MYO9A: variants seen among roughly 807,000 people sequenced by gnomAD.
MYO9A encodes unconventional myosin-IXa.
In MYO9A, 103 loss-of-function variants were observed where a neutral mutation model predicts 293.3. The ratio of observed to expected loss-of-function variants is 0.35; its 90% CI spans 0.30 to 0.41. The LOEUF (loss-of-function observed/expected upper bound fraction) is 0.41. Ranked by LOEUF, MYO9A falls within the 10% of genes least tolerant of loss-of-function variation. MYO9A has a pLI of 1.00. For missense variants in MYO9A, 2,685 were observed against 3,033.0 expected, an observed-to-expected ratio of 0.89 and a Z score of 2.69; for synonymous variants, 1,001 against 1,035.7, an observed-to-expected ratio of 0.97 and a Z score of 0.64.
chr15:71,918,735 C>T (rs1299625336), intron 18 of MYO9A, among the ~76,000 whole-genome samples: 1 of 152,030 alleles, frequency 6.6e-6, no homozygotes. Flanking sequence ...TTTTAAGATA[C>T]TATGGAGAAA....
chr15:71,892,547 T>G (rs1465179276), intron 26 of MYO9A: 1 of 154,382 alleles, frequency 6.5e-6, no homozygotes, highest in Non-Finnish European at 1.4e-5. Context: ...AAGACGGTCA[T>G]GCCCATTTGT....
At position 71,898,755 on chromosome 15, in the gene MYO9A, C is replaced by T; in HGVS notation, c.3748G>A (p.Val1250Met). 1.2e-6 allele frequency: 2 copies of T among 1,614,104 alleles called. No homozygotes were observed. Among genetic ancestry groups the T allele is most frequent in the African/African-American group, 1.3e-5 (1 of 75,038 alleles). ...SQSGVDLQED[V>M]LVRERPRSLE... ...GATCTGGGTCTCTCTCTTACAAGCA[C>T]ATCTTCCTGCAAGTCCACACCACTC... The change falls in exon 25 of 42, where the codon GTG (valine) becomes ATG (methionine). Residue 1250 changes from valine to methionine, a missense_variant. Physicochemically the swap from Val to Met is conservative, Grantham distance 21. Coordinates refer to ENST00000356056, the MANE Select transcript of MYO9A (RefSeq NM_006901.4).
chr15:72,045,785 C>T lies in MYO9A; in HGVS notation c.779G>A (p.Ser260Asn). Residue 260 changes from serine to asparagine, a missense_variant, in exon 2 of 42, where the codon AGT (serine) becomes AAT (asparagine). Physicochemically the swap from Ser to Asn is conservative, Grantham distance 46. This residue lies in a region of MYO9A where 289 missense variants were observed against 456.8 expected (regional missense o/e 0.63). Coordinates refer to ENST00000356056, the MANE Select transcript of MYO9A (RefSeq NM_006901.4). ...TACTCCACTGGCAAATCCTTTCTGACTGAGAGCAGTAAGGTGGTGAATAAG... is the reference window on the plus strand; with the variant it reads ...TACTCCACTGGCAAATCCTTTCTGATTGAGAGCAGTAAGGTGGTGAATAAG... ...NFLIHHLTAL[S>N]QKGFASGVEQ... 1 of 1,614,084 alleles carries T rather than the reference C, an allele frequency of 6.2e-7. No homozygotes were observed. Among genetic ancestry groups the T allele is most frequent in the Non-Finnish European group, 8.5e-7 (1 of 1,179,994 alleles).
chr15:71,963,032 C>T (rs890359178), intron 13 of MYO9A, among the ~76,000 whole-genome samples: 8 of 152,130 alleles, frequency 5.3e-5, no homozygotes, highest in Non-Finnish European at 8.8e-5. Context: ...ATTGCTAGTT[C>T]ATATTGGAAA....
intron 10 of MYO9A, among the ~76,000 whole-genome samples, chr15:71,993,383 AT>A (rs2076597254): frequency 6.6e-6 from 1 of 152,108 alleles, no homozygotes; most frequent in African/African-American, 2.4e-5. Flanking sequence ...TAAAATAAAA[AT>A]AAAAAGGAGT....
chr15:71,894,913 T>A (rs747111915), intron 25 of MYO9A, among the ~76,000 whole-genome samples: 1 of 152,196 alleles, frequency 6.6e-6, no homozygotes, highest in Non-Finnish European at 1.5e-5. Flanking sequence ...GAGAATCATA[T>A]CTTACTTCCA....
intron 34 of MYO9A, among the ~76,000 whole-genome samples, chr15:71,855,237 G>A (rs2055817670): frequency 6.6e-6 from 1 of 152,206 alleles, no homozygotes; most frequent in Non-Finnish European, 1.5e-5. Flanking sequence ...CCAGGTTCAA[G>A]CGATTCTCGT....
chr15:71,998,793 T>C (rs1384758930), intron 9 of MYO9A, among the ~76,000 whole-genome samples: 1 of 152,112 alleles, frequency 6.6e-6, no homozygotes, highest in African/African-American at 2.4e-5. Context: ...GTGTTCTCAT[T>C]GTTCAATTCC....
chr15:72,103,928 A>G (rs960055403), intron 1 of MYO9A, among the ~76,000 whole-genome samples: 2 of 152,216 alleles, frequency 1.3e-5, no homozygotes, highest in Non-Finnish European at 2.9e-5. Flanking sequence ...TGACCTGGGC[A>G]ATGACAACAC....
chr15:71,844,527 G>C (rs1305608405), intron 39 of MYO9A, among the ~76,000 whole-genome samples: 2 of 152,076 alleles, frequency 1.3e-5, no homozygotes, highest in Non-Finnish European at 2.9e-5. Context: ...CTATTTGAGG[G>C]AAACAGGATA....
chr15:72,066,835 T>C lies in MYO9A; in HGVS notation c.-71-20201A>G, dbSNP rs541818001. Among the ~76,000 whole-genome samples the C allele has an allele frequency of 3.3e-5, 5 of 151,986 alleles. No homozygotes were observed. In the East Asian group the frequency reaches 9.7e-4, roughly 29 times the overall value. ...TTGCAGTGAGCTGAGGTTGCACCAT[T>C]GCTCTCCAGCCTGGGCAACAAACAG... On this transcript the variant is annotated intron_variant, in intron 1 of 41. Coordinates refer to ENST00000356056, the MANE Select transcript of MYO9A (RefSeq NM_006901.4).
chr15:71,938,217 C>T (rs1355497537), intron 16 of MYO9A, among the ~76,000 whole-genome samples: 1 of 152,054 alleles, frequency 6.6e-6, no homozygotes, highest in Non-Finnish European at 1.5e-5. Flanking sequence ...ATTTTAATGA[C>T]AGACCATCCT....
At chr15:71,949,742 T>C (rs1215482310) in intron 15 of MYO9A, among the ~76,000 whole-genome samples, 2 of 151,928 alleles carry the variant, frequency 1.3e-5, no homozygotes, top group African/African-American at 2.4e-5. Flanking sequence ...GAGTTCATAC[T>C]TTAATTTGGG....
Position 71,994,526 on chromosome 15 carries a change from T to C in MYO9A, c.1530A>G (p.Ile510Met). 1 of 1,612,082 alleles carries C rather than the reference T, an allele frequency of 6.2e-7. No homozygotes were observed. The highest frequency in any genetic ancestry group is 8.5e-7 in the Non-Finnish European group (1 of 1,179,586). The change falls in exon 10 of 42, where the codon ATA becomes ATG. Residue 510 changes from isoleucine (I) to methionine (M), a missense_variant. Around this residue, in one of 10 missense-constraint regions of MYO9A, gnomAD observed 289 missense variants for 456.8 expected, o/e 0.63. Coordinates refer to ENST00000356056, the MANE Select transcript of MYO9A (RefSeq NM_006901.4). Reference sequence around the variant, plus strand: ...GAAGTGCATGATTAATTCGAAAAACTATCCAGTCAAACAGGGCACTATACA... The same window carrying C: ...GAAGTGCATGATTAATTCGAAAAACCATCCAGTCAAACAGGGCACTATACA... ...KSLYSALFDW[I>M]VFRINHALLN...
chr15:71,863,017 C>T (rs1054803558), intron 32 of MYO9A, among the ~76,000 whole-genome samples: 1 of 151,168 alleles, frequency 6.6e-6, no homozygotes, highest in African/African-American at 2.4e-5. Context: ...CCTCCGCCTC[C>T]TGGGTTCAGG....
chr15:71,930,321 T>C (rs1029546340), intron 18 of MYO9A, among the ~76,000 whole-genome samples: 15 of 152,204 alleles, frequency 9.9e-5, no homozygotes, highest in Non-Finnish European at 2.1e-4. Flanking sequence ...AGGATTACTG[T>C]ATTGTAGTTT....
intron 39 of MYO9A, among the ~76,000 whole-genome samples, chr15:71,844,630 T>G (rs1436639447): frequency 6.6e-6 from 1 of 152,160 alleles, no homozygotes; most frequent in African/African-American, 2.4e-5. Flanking sequence ...GATACTCCAG[T>G]GTTAGAATGA....
chr15:71,910,156 A>ATATACGTG (rs1348670472), intron 19 of MYO9A, among the ~76,000 whole-genome samples: 77 of 64,174 alleles, frequency 1.2e-3, no homozygotes, highest in Non-Finnish European at 2.3e-3. Flanking sequence ...GTGTGTGTAT[A>ATATACGTG]TATATATACG....
At chr15:71,942,036 T>C (rs2058789902) in intron 15 of MYO9A, among the ~76,000 whole-genome samples, 2 of 152,030 alleles carry the variant, frequency 1.3e-5, no homozygotes, top group South Asian at 2.1e-4. Context: ...AATTCTTAAC[T>C]ACACCAACAA....
Sources: allele counts gnomAD v4.1 joint callset (sites outside exome capture counted in the v4.1 genomes callset), GRCh38; gene constraint gnomAD v4.1.1; regional missense constraint gnomAD v4.1.1; transcripts MANE v1.5; gene names NCBI Gene and HGNC (gene_info 2026-07-23, HGNC 2026-07-21).